TMEM135: variants seen among roughly 807,000 people sequenced by gnomAD.
The protein encoded by TMEM135 is transmembrane protein 135.
TMEM135 carries 30 observed loss-of-function variants against 60.3 expected under a neutral mutation model. The ratio of observed to expected loss-of-function variants is 0.50; its 90% CI spans 0.37 to 0.68. The LOEUF (loss-of-function observed/expected upper bound fraction) is 0.68. TMEM135 is among the 30% of genes least tolerant of loss of function. The pLI is 0.00. For missense variants in TMEM135, 468 were observed against 548.8 expected, an observed-to-expected ratio of 0.85 and a Z score of 1.47; for synonymous variants, 190 against 186.7, an observed-to-expected ratio of 1.02 and a Z score of -0.14.
chr11:87,248,794 A>T (rs1941351621), intron 6 of TMEM135, among the ~76,000 whole-genome samples: 1 of 151,980 alleles, frequency 6.6e-6, no homozygotes, highest in South Asian at 2.1e-4. Context: ...TTCTTGCATC[A>T]GTGTTTTATA....
At chr11:87,313,353 A>C in intron 10 of TMEM135, 72 bp from the exon 11 acceptor site, 1 of 1,242,454 alleles carries the variant, frequency 8.0e-7, no homozygotes, top group Non-Finnish European at 1.2e-6. Flanking sequence ...TATTCATTAT[A>C]GTTGTTTTTG....
At chr11:87,066,202 T>C (rs1347657902) in intron 1 of TMEM135, among the ~76,000 whole-genome samples, 1 of 152,208 alleles carries the variant, frequency 6.6e-6, no homozygotes, top group Non-Finnish European at 1.5e-5. Flanking sequence ...TTTCTCTTTC[T>C]TACACCCTCT....
chr11:87,053,183 A>C (rs1201899977), intron 1 of TMEM135, among the ~76,000 whole-genome samples: 1 of 86,278 alleles, frequency 1.2e-5, no homozygotes, highest in Non-Finnish European at 2.2e-5. Context: ...GGGAGGGGGG[A>C]GGGATAGCAA....
chr11:87,096,082 T>G (rs1857321292), intron 4 of TMEM135: 2 of 237,346 alleles, frequency 8.4e-6, no homozygotes, highest in African/African-American at 5.0e-5. Flanking sequence ...GCATGACCAC[T>G]AAAGCACCAC....
chr11:87,163,158 G>T (rs1938936262), intron 5 of TMEM135, among the ~76,000 whole-genome samples: 2 of 147,836 alleles, frequency 1.4e-5, no homozygotes, highest in African/African-American at 2.5e-5. Context: ...TCTAGCATTA[G>T]GTATATCTCC....
At chr11:87,068,081 T>C (rs957633123) in intron 2 of TMEM135, among the ~76,000 whole-genome samples, 3 of 152,238 alleles carry the variant, frequency 2.0e-5, no homozygotes, top group African/African-American at 7.2e-5. Flanking sequence ...TTCTGAGGCC[T>C]GTTATATTTA....
At position 87,159,587 on chromosome 11, in the gene TMEM135, A is replaced by ACG. The variant is rs1307942600; in HGVS notation, c.462+2182_462+2183insGC. ...AAATCAAAGATACTACTGAATACAC[A>ACG]CACGCGCACACACACACACACACAC... On this transcript the variant is annotated intron_variant, in intron 5 of 14. Transcript: ENST00000305494. Among the ~76,000 whole-genome samples the ACG allele has an allele frequency of 7.3e-5, 9 of 123,390 alleles. No homozygotes were observed. The East Asian group carries it at 2.8e-3, about 39-fold the overall frequency. 80.9% of individuals were successfully genotyped at this position (123,390 alleles called of 152,430 possible). A position where few individuals can be genotyped will look rare whatever the true frequency, so the allele number is the denominator to read the frequency against.
At chr11:87,240,443 T>C (rs978761588) in intron 6 of TMEM135, among the ~76,000 whole-genome samples, 7 of 152,038 alleles carry the variant, frequency 4.6e-5, no homozygotes, top group African/African-American at 1.7e-4. Flanking sequence ...ATAATTTCTT[T>C]ACTTCCAAAT....
intron 4 of TMEM135, chr11:87,095,563 G>A (rs2135174919): frequency 4.9e-6 from 1 of 202,756 alleles, no homozygotes; most frequent in South Asian, 9.9e-5. Context: ...GTTATCAAAA[G>A]ATAATCTGCA....
chr11:87,306,026 A>G lies in TMEM135; in HGVS notation c.768+21A>G, dbSNP rs1590860655. On this transcript the variant is annotated intron_variant, in intron 9 of 14. Coordinates refer to ENST00000305494, the MANE Select transcript of TMEM135 (RefSeq NM_022918.4). ...TTAAAGTAAGTATATGAAAGTATGT[A>G]CTTTATTAACAGTAGGGAATGGGTA... is the stretch of plus-strand genomic sequence containing the variant. 5 of 1,455,256 alleles carry G rather than the reference A, an allele frequency of 3.4e-6. No homozygotes were observed. The East Asian group carries it at 1.2e-4, about 34-fold the overall frequency. The allele number at this position is 1,455,256 out of a possible 1,614,324, so 90.1% of individuals were successfully genotyped here.
At chr11:87,152,664 C>T (rs1938586416) in intron 4 of TMEM135, among the ~76,000 whole-genome samples, 1 of 152,174 alleles carries the variant, frequency 6.6e-6, no homozygotes, top group African/African-American at 2.4e-5. Flanking sequence ...GTCTCCAACT[C>T]CTGACCTCAG....
chr11:87,248,099 G>A (rs1394973328), intron 6 of TMEM135, among the ~76,000 whole-genome samples: 2 of 151,904 alleles, frequency 1.3e-5, no homozygotes, highest in Non-Finnish European at 2.9e-5. Flanking sequence ...CCATTCATGT[G>A]TTGATGGGAA....
intron 1 of TMEM135, among the ~76,000 whole-genome samples, chr11:87,058,366 G>A (rs1240099566): frequency 6.6e-6 from 1 of 151,800 alleles, no homozygotes; most frequent in Non-Finnish European, 1.5e-5. Context: ...GTCTTGCTCT[G>A]TCACTCAGGC....
chr11:87,278,937 C>A (rs1488853954), intron 6 of TMEM135, among the ~76,000 whole-genome samples: 1 of 152,076 alleles, frequency 6.6e-6, no homozygotes, highest in Admixed American at 6.5e-5. Flanking sequence ...AATTTCACAC[C>A]AGTGGAATCA....
intron 5 of TMEM135, among the ~76,000 whole-genome samples, chr11:87,192,689 A>G (rs746745030): frequency 6.6e-6 from 1 of 152,218 alleles, no homozygotes; most frequent in Non-Finnish European, 1.5e-5. Flanking sequence ...TGATAAAACA[A>G]TTTGAATTTT....
chr11:87,250,620 G>A (rs1941394264), intron 6 of TMEM135, among the ~76,000 whole-genome samples: 2 of 151,910 alleles, frequency 1.3e-5, no homozygotes, highest in African/African-American at 4.8e-5. Flanking sequence ...TTTCCGTTCT[G>A]GTCAGAGAAG....
At chr11:87,262,115 C>T (rs1226821227) in intron 6 of TMEM135, among the ~76,000 whole-genome samples, 1 of 151,896 alleles carries the variant, frequency 6.6e-6, no homozygotes, top group Non-Finnish European at 1.5e-5. Context: ...TAAACCTTCT[C>T]AACAGACATT....
At position 87,309,529 on chromosome 11, in the gene TMEM135, G is replaced by A. The variant is rs1406500150; in HGVS notation, c.793G>A (p.Gly265Arg). The change falls in exon 10 of 15, where the codon GGG (glycine) becomes AGG (arginine). Residue 265 changes from glycine (G) to arginine (R), a missense_variant. Transcript: ENST00000305494. ...IKGFIRMFSV[G>R]YLIQCCLRIP... Reference sequence around the variant, plus strand: ...GGGTTTCATCAGAATGTTTAGCGTGGGGTACTTGATCCAGTGCTGCCTCCG... The same window carrying A: ...GGGTTTCATCAGAATGTTTAGCGTGAGGTACTTGATCCAGTGCTGCCTCCG... The A allele has an allele frequency of 6.2e-7, 1 of 1,613,688 alleles. No individual in the cohort carries two copies. Among genetic ancestry groups the A allele is most frequent in the Admixed American group, 1.7e-5 (1 of 59,978 alleles).
chr11:87,321,409 C>G lies in TMEM135; in HGVS notation c.*76C>G, dbSNP rs1471770940. On this transcript the variant is annotated 3_prime_UTR_variant, in exon 15 of 15. Coordinates refer to ENST00000305494, the MANE Select transcript of TMEM135 (RefSeq NM_022918.4). The stretch of plus-strand genomic sequence containing the variant: ...ATTATGTTGAACACAAAGGAGGGGG[C>G]CCAAGCTCGAACTTCAGTGTTATTT... 1 of 1,515,006 alleles carries G rather than the reference C, an allele frequency of 6.6e-7. No individual in the cohort carries two copies. 93.8% of individuals were successfully genotyped at this position (1,515,006 alleles called of 1,614,324 possible).
Sources: allele counts gnomAD v4.1 joint callset (sites outside exome capture counted in the v4.1 genomes callset), GRCh38; gene constraint gnomAD v4.1.1; transcripts MANE v1.5; gene names NCBI Gene and HGNC (gene_info 2026-07-23, HGNC 2026-07-21).